The following CYP2E1 variants were observed in gnomAD, a reference collection of about 807,000 sequenced individuals.
CYP2E1 encodes cytochrome P450 2E1.
Under a neutral mutation model 42.9 loss-of-function variants are expected in CYP2E1, and 31 were observed. That is an observed-to-expected ratio of 0.72 (90% CI 0.54 to 0.98). CYP2E1 has a LOEUF of 0.98. Ranked by LOEUF, CYP2E1 falls within the 50% of genes least tolerant of loss-of-function variation. The pLI, the probability that CYP2E1 is intolerant of heterozygous loss-of-function variation, is 0.00. For missense variants in CYP2E1, 565 were observed against 633.2 expected, an observed-to-expected ratio of 0.89 and a Z score of 1.16; for synonymous variants, 244 against 248.9, an observed-to-expected ratio of 0.98 and a Z score of 0.19.
chr10:133,527,987 G>C (rs1377203058), intron 1 of CYP2E1: 1 of 222,486 alleles, frequency 4.5e-6, no homozygotes. Context: ...ACACTGAATG[G>C]GCCAACAAAC....
rs1206282609 is a variant in CYP2E1, at chr10:133,537,771, T to C, written c.1176T>C (p.Thr392=). ...CCTAGGGCACAGTCGTAGTGCCAAC[T>C]CTGGACTCTGTTTTGTATGACAACC... The part of the protein sequence containing the change: ...LIPKGTVVVP[T]LDSVLYDNQE... The change falls in exon 8 of 9, where the codon ACT becomes ACC. Residue 392 remains threonine (T), a synonymous_variant. Transcript: ENST00000252945. The C allele has an allele frequency of 1.2e-6, 2 of 1,613,982 alleles. No homozygotes were observed. Among genetic ancestry groups the C allele is most frequent in the Non-Finnish European group, 8.5e-7 (1 of 1,179,882 alleles).
intron 6 of CYP2E1, among the ~76,000 whole-genome samples, chr10:133,534,249 T>G (rs1162287271): frequency 6.6e-6 from 1 of 152,158 alleles, no homozygotes; most frequent in East Asian, 1.9e-4. Context: ...GACCTGGTCT[T>G]CTAGGCAGAG....
Position 133,528,592 on chromosome 10 carries a change from T to A in CYP2E1, c.289T>A (p.Phe97Ile). Residue 97 changes from phenylalanine to isoleucine, a missense_variant, in exon 2 of 9, where the codon TTC becomes ATC. Coordinates refer to ENST00000252945, the MANE Select transcript of CYP2E1 (RefSeq NM_000773.4). ...AGCGCTGCTGGACTACAAGGACGAGTTCTCGGGCAGAGGCGACCTCCCCGC... is the reference window on the plus strand; with the variant it reads ...AGCGCTGCTGGACTACAAGGACGAGATCTCGGGCAGAGGCGACCTCCCCGC... ...KEALLDYKDE[F>I]SGRGDLPAFH... The A allele has an allele frequency of 6.2e-7, 1 of 1,613,272 alleles. No homozygotes were observed. The highest frequency in any genetic ancestry group is 8.5e-7 in the Non-Finnish European group (1 of 1,179,916).
chr10:133,537,205 T>G lies in CYP2E1; in HGVS notation c.1110T>G (p.His370Gln). The change falls in exon 7 of 9, where the codon CAT becomes CAG. Residue 370 changes from histidine (H) to glutamine (Q), a missense_variant. Transcript: ENST00000252945. ...CCCTCGTGCCCTCCAACCTGCCCCA[T>G]GAAGCAACCCGAGACACCATTTTCA... ...FITLVPSNLP[H>Q]EATRDTIFRG... is the part of the protein sequence containing the mutation. 1 of 1,614,022 alleles carries G rather than the reference T, an allele frequency of 6.2e-7. No homozygotes were observed. The highest frequency in any genetic ancestry group is 1.7e-5 in the Admixed American group (1 of 60,012).
In CYP2E1 at chr10:133,538,231, A is replaced by T. The variant is rs952183470; in HGVS notation, c.1297+339A>T. On this transcript the variant is annotated intron_variant, in intron 8 of 8. Transcript: ENST00000252945. ...AAGCCATATTACCCAATTCTCCCTA[A>T]TTTTAAACCAGAGCTACTAAACAAA... Among the ~76,000 whole-genome samples the T allele has an allele frequency of 2.6e-5, 4 of 152,140 alleles. No individual in the cohort carries two copies. In the South Asian group the frequency reaches 8.3e-4, roughly 31 times the overall value.
chr10:133,527,931 G>A lies in CYP2E1; in HGVS notation c.177+359G>A, dbSNP rs909533180. 12 of 278,458 alleles carry A rather than the reference G, an allele frequency of 4.3e-5. No homozygotes were observed. The East Asian group carries it at 5.0e-4, about 12-fold the overall frequency. The allele number at this position is 278,458 out of a possible 1,614,324, so 17.2% of individuals were successfully genotyped here. A position where few individuals can be genotyped will look rare whatever the true frequency, so the allele number is the denominator to read the frequency against. On this transcript the variant is annotated intron_variant, in intron 1 of 8. Coordinates refer to ENST00000252945, the MANE Select transcript of CYP2E1 (RefSeq NM_000773.4). The stretch of plus-strand genomic sequence containing the variant: ...GCACGAGTTGAAACGTGAAGTGTTG[G>A]GCCAGCCCGTGTGGCACCAATACCT...
rs1851439246 is a variant in CYP2E1 at position 133,538,828 on chromosome 10, T to C, written c.1346T>C (p.Leu449Pro). 3 of 1,614,080 alleles carry C rather than the reference T, an allele frequency of 1.9e-6. No individual in the cohort carries two copies. Among genetic ancestry groups the C allele is most frequent in the Non-Finnish European group, 2.5e-6 (3 of 1,179,978 alleles). Residue 449 changes from leucine (L) to proline (P), a missense_variant, in exon 9 of 9, where the codon CTT becomes CCT. Transcript: ENST00000252945. Reference sequence around the variant, plus strand: ...GGCCTGGCTCGCATGGAGTTGTTTCTTTTGTTGTGTGCCATTTTGCAGCAT... The same window carrying C: ...GGCCTGGCTCGCATGGAGTTGTTTCCTTTGTTGTGTGCCATTTTGCAGCAT... ...GEGLARMELFLLLCAILQHFN... is the reference protein window; with the variant it reads ...GEGLARMELFPLLCAILQHFN...
At chr10:133,537,619 C>A in intron 7 of CYP2E1, 132 bp from the exon 8 acceptor site, 5 of 766,384 alleles carry the variant, frequency 6.5e-6, no homozygotes, top group Non-Finnish European at 1.0e-5. Flanking sequence ...CTTCACTAAG[C>A]AACTCCTTCA....
chr10:133,533,228 C>T (rs747629843), intron 5 of CYP2E1, among the ~76,000 whole-genome samples: 1 of 152,198 alleles, frequency 6.6e-6, no homozygotes, highest in Non-Finnish European at 1.5e-5. Flanking sequence ...GACTTCCAGG[C>T]CTCCCCAGCT....
At chr10:133,528,435 TC>T (rs779984137) in intron 1 of CYP2E1, 45 bp from the exon 2 acceptor site, 1 of 1,605,254 alleles carries the variant, frequency 6.2e-7, no homozygotes, top group East Asian at 2.2e-5. Context: ...GCCCCGCACC[TC>T]CTCGCCGCGC....
intron 8 of CYP2E1, 143 bp downstream of exon 8, chr10:133,538,035 C>A: frequency 1.4e-6 from 1 of 711,470 alleles, no homozygotes; most frequent in Non-Finnish European, 2.3e-6. Context: ...GACAACATGA[C>A]CCAAATGTGC....
intron 2 of CYP2E1, among the ~76,000 whole-genome samples, chr10:133,529,101 G>A (rs1333574660): frequency 1.3e-5 from 2 of 152,250 alleles, no homozygotes; most frequent in African/African-American, 4.8e-5. Flanking sequence ...TCCAGAGAGG[G>A]AGTCTCTGAT....
Position 133,533,699 on chromosome 10 carries a change from C to A in CYP2E1, c.826-57C>A, listed in dbSNP as rs371161637. The A allele has an allele frequency of 4.4e-5, 70 of 1,594,760 alleles. No homozygotes were observed. The East Asian group carries it at 1.3e-3, about 29-fold the overall frequency. On this transcript the variant is annotated intron_variant, in intron 5 of 8. Transcript: ENST00000252945. ...CTGTGGAGCTGGGAGGTGGCTGGTT[C>A]TGTGCTGAAAGGAGACAAGCAGCCC...
intron 5 of CYP2E1, among the ~76,000 whole-genome samples, 155 bp downstream of exon 5, chr10:133,533,023 C>G (rs1241047789): frequency 1.3e-5 from 2 of 152,238 alleles, no homozygotes; most frequent in Non-Finnish European, 2.9e-5. Context: ...AGCATGACCA[C>G]TGGACGCAAG....
At chr10:133,537,723 T>A in intron 7 of CYP2E1, 28 bp from the exon 8 acceptor site, 1 of 1,595,824 alleles carries the variant, frequency 6.3e-7, no homozygotes, top group Non-Finnish European at 8.5e-7. Flanking sequence ...TTAACATGAC[T>A]CACTGAGACA....
intron 6 of CYP2E1, among the ~76,000 whole-genome samples, chr10:133,536,311 A>G: frequency 6.6e-6 from 1 of 151,994 alleles, no homozygotes; most frequent in Non-Finnish European, 1.5e-5. Context: ...CAGTAATTCA[A>G]AGGACCTGGG....
chr10:133,528,872 A>G (rs891043819), intron 2 of CYP2E1, among the ~76,000 whole-genome samples: 1 of 152,182 alleles, frequency 6.6e-6, no homozygotes, highest in African/African-American at 2.4e-5. Flanking sequence ...GGGAGAGTTT[A>G]TGGGGATGGG....
rs749979006 is a variant in CYP2E1, at chr10:133,533,775, G to T, written c.845G>T (p.Arg282Leu). The T allele has an allele frequency of 1.2e-6, 2 of 1,614,168 alleles. No individual in the cohort carries two copies. The highest frequency in any genetic ancestry group is 2.7e-5 in the African/African-American group (2 of 75,036). The change falls in exon 6 of 9, where the codon CGC (arginine) becomes CTC (leucine). Residue 282 changes from arginine (R) to leucine (L), a missense_variant. By Grantham distance (102) the Arg-to-Leu change is moderately radical (BLOSUM62 -2). Transcript: ENST00000252945. ...TCACAGGAAAAGCACAGTGCAGAGC[G>T]CTTGTACACAATGGACGGTATCACC... is the stretch of plus-strand genomic sequence containing the variant. ...EMEKEKHSAE[R>L]LYTMDGITVT... is the part of the protein sequence containing the mutation.
rs185896416 is a variant in CYP2E1 at position 133,531,709 on chromosome 10, G to A, written c.462G>A (p.Leu154=). ...GGATCCAGAGGGAGGCCCACTTCCT[G>A]CTGGAAGCACTCAGGAAGACCCAAG... The part of the protein sequence containing the change: ...ESRIQREAHF[L]LEALRKTQGQ... The change falls in exon 3 of 9, where the codon CTG becomes CTA. Residue 154 remains leucine (L), a synonymous_variant. Transcript: ENST00000252945. 2.5e-6 allele frequency: 4 copies of A among 1,606,366 alleles called. No homozygotes were observed. In the African/African-American group the frequency reaches 5.3e-5, roughly 21 times the overall value.
Sources: gnomAD v4.1 joint callset for allele counts (sites outside exome capture counted in the v4.1 genomes callset) on GRCh38, gnomAD v4.1.1 for gene constraint, MANE v1.5 for transcripts, NCBI Gene and HGNC (gene_info 2026-07-23, HGNC 2026-07-21) for gene names.